CDC14A: variants seen among roughly 807,000 people sequenced by gnomAD.
CDC14A encodes the protein dual specificity protein phosphatase CDC14A.
A neutral mutation model predicts 74.4 loss-of-function variants in CDC14A; 53 were observed. That is an observed-to-expected ratio of 0.71 (90% CI 0.57 to 0.89). The LOEUF is 0.89. Among genes scored for constraint, CDC14A ranks in the 40% least tolerant of loss-of-function variants. CDC14A has a pLI of 0.00. For synonymous variants in CDC14A, 247 were observed against 258.4 expected (o/e 0.96, Z 0.43); for missense variants, 646 against 713.7 (o/e 0.91, Z 1.08).
At chr1:100,379,853 A>G (rs986967938) in intron 3 of CDC14A, among the ~76,000 whole-genome samples, 1 of 152,082 alleles carries the variant, frequency 6.6e-6, no homozygotes, top group Admixed American at 6.5e-5. Flanking sequence ...GGAGCAAGGG[A>G]GAGGGGAGGG....
chr1:100,361,851 C>CGAA (rs1196938017), intron 2 of CDC14A, among the ~76,000 whole-genome samples: 6 of 152,100 alleles, frequency 3.9e-5, no homozygotes, highest in Non-Finnish European at 8.8e-5. Flanking sequence ...TGCCATCGCT[C>CGAA]GAAGGTGGGG....
intron 5 of CDC14A, among the ~76,000 whole-genome samples, chr1:100,424,526 T>G (rs1662727796): frequency 1.3e-5 from 2 of 152,246 alleles, no homozygotes; most frequent in South Asian, 4.1e-4. Flanking sequence ...CTTTGAATCC[T>G]TTCTATATCT....
At chr1:100,362,225 A>G (rs1172381422) in intron 2 of CDC14A, among the ~76,000 whole-genome samples, 1 of 152,224 alleles carries the variant, frequency 6.6e-6, no homozygotes, top group Non-Finnish European at 1.5e-5. Context: ...GGTAAGTGGC[A>G]CAACTGATCT....
At chr1:100,371,418 A>C (rs373240098) in intron 2 of CDC14A, among the ~76,000 whole-genome samples, 25 of 152,200 alleles carry the variant, frequency 1.6e-4, no homozygotes, top group African/African-American at 6.0e-4. Context: ...ATTCAGTATG[A>C]TGTTGGTTGT....
Position 100,518,498 on chromosome 1 carries a change from C to A in CDC14A, c.*218C>A, listed in dbSNP as rs573417127. Reference sequence around the variant, plus strand: ...ACTGAAACTATGTTTATGGAGATTTCCATACTTTTAAAGACAGTTTTAATG... The same window carrying A: ...ACTGAAACTATGTTTATGGAGATTTACATACTTTTAAAGACAGTTTTAATG... On this transcript the variant is annotated 3_prime_UTR_variant, in exon 16 of 16. Transcript: ENST00000336454. 38 of 469,860 alleles carry A rather than the reference C, an allele frequency of 8.1e-5. No individual in the cohort carries two copies. Among genetic ancestry groups the A allele is most frequent in the Non-Finnish European group, 1.3e-4 (35 of 260,734 alleles). 29.1% of individuals were successfully genotyped at this position (469,860 alleles called of 1,614,324 possible).
At chr1:100,401,279 C>G (rs1393519157) in intron 4 of CDC14A, among the ~76,000 whole-genome samples, 1 of 152,090 alleles carries the variant, frequency 6.6e-6, no homozygotes, top group African/African-American at 2.4e-5. Flanking sequence ...CACAATAGCC[C>G]CAGTATCTAG....
intron 10 of CDC14A, among the ~76,000 whole-genome samples, chr1:100,480,090 T>C (rs1016152147): frequency 6.6e-6 from 1 of 152,208 alleles, no homozygotes; most frequent in African/African-American, 2.4e-5. Flanking sequence ...CACCACTATT[T>C]CCAGACTGTT....
chr1:100,437,677 A>G (rs1195291061), intron 5 of CDC14A, among the ~76,000 whole-genome samples: 1 of 152,120 alleles, frequency 6.6e-6, no homozygotes. Flanking sequence ...CTCTCCTTTT[A>G]GTCACTGGTA....
At chr1:100,345,731 C>T (rs1241023043) in intron 1 of CDC14A, among the ~76,000 whole-genome samples, 2 of 152,186 alleles carry the variant, frequency 1.3e-5, no homozygotes, top group African/African-American at 4.8e-5. Context: ...AATATACCTA[C>T]CTGATAGGCA....
At chr1:100,429,535 A>G (rs1663384223) in intron 5 of CDC14A, among the ~76,000 whole-genome samples, 1 of 151,392 alleles carries the variant, frequency 6.6e-6, no homozygotes, top group Non-Finnish European at 1.5e-5. Flanking sequence ...GCTTTAAAAA[A>G]CTACTGATCC....
intron 15 of CDC14A, among the ~76,000 whole-genome samples, chr1:100,516,143 A>G (rs1650203455): frequency 6.6e-6 from 1 of 152,190 alleles, no homozygotes; most frequent in Non-Finnish European, 1.5e-5. Flanking sequence ...AGACTAATGA[A>G]TATATTCTCC....
At chr1:100,515,410 G>C (rs1397465316) in intron 15 of CDC14A, among the ~76,000 whole-genome samples, 1 of 146,316 alleles carries the variant, frequency 6.8e-6, no homozygotes, top group South Asian at 2.1e-4. Context: ...TTGAGACGGA[G>C]TTTTGCTGTG....
At chr1:100,431,197 T>C (rs576706450) in intron 5 of CDC14A, among the ~76,000 whole-genome samples, 1 of 152,342 alleles carries the variant, frequency 6.6e-6, no homozygotes, top group Non-Finnish European at 1.5e-5. Context: ...CCATGACCCA[T>C]TAAGAACTCA....
intron 4 of CDC14A, among the ~76,000 whole-genome samples, chr1:100,404,319 G>A (rs1229630924): frequency 6.6e-6 from 1 of 151,970 alleles, no homozygotes; most frequent in African/African-American, 2.4e-5. Flanking sequence ...AAACTACTAG[G>A]TTCCCACGTC....
At chr1:100,474,049 T>G (rs1668650627) in intron 10 of CDC14A, among the ~76,000 whole-genome samples, 1 of 152,316 alleles carries the variant, frequency 6.6e-6, no homozygotes, top group Admixed American at 6.5e-5. Context: ...TGAGGGTTCT[T>G]ATCATGAATG....
At chr1:100,486,964 T>G (rs1405291964) in intron 11 of CDC14A, among the ~76,000 whole-genome samples, 2 of 152,218 alleles carry the variant, frequency 1.3e-5, no homozygotes, top group African/African-American at 4.8e-5. Flanking sequence ...AAAATTGGTC[T>G]TAACAGAGTT....
At chr1:100,412,696 T>TTATATATATATATATATATA (rs139550432) in intron 4 of CDC14A, among the ~76,000 whole-genome samples, 3 of 74,106 alleles carry the variant, frequency 4.0e-5, no homozygotes, top group Middle Eastern at 5.6e-3. Context: ...CCTGTATGTT[T>TTATATATATATATATATATA]TATATATATA....
At chr1:100,403,749 G>T (rs539869337) in intron 4 of CDC14A, among the ~76,000 whole-genome samples, 4 of 152,296 alleles carry the variant, frequency 2.6e-5, no homozygotes, top group Admixed American at 1.3e-4. Context: ...ACCAAAATGT[G>T]CATTGATTCA....
chr1:100,351,912 G>T (rs1011406614), upstream of CDC14A: 17 of 1,028,152 alleles, frequency 1.7e-5, no homozygotes, highest in East Asian at 1.8e-4. Flanking sequence ...TGTTGGGCGT[G>T]GGGGGTGGCT....
Sources: allele counts gnomAD v4.1 joint callset (sites outside exome capture counted in the v4.1 genomes callset), GRCh38; gene constraint gnomAD v4.1.1; transcripts MANE v1.5; gene names NCBI Gene and HGNC (gene_info 2026-07-23, HGNC 2026-07-21).